The following CIC variants were observed in gnomAD, a reference collection of about 807,000 sequenced individuals.
The protein encoded by CIC is protein capicua homolog.
CIC carries 18 observed loss-of-function variants against 115.7 expected under a neutral mutation model. The ratio of observed to expected loss-of-function variants is 0.16; its 90% confidence interval spans 0.11 to 0.23. CIC has a LOEUF of 0.23. CIC is among the 10% of genes least tolerant of loss of function. CIC has a pLI of 1.00. For synonymous variants in CIC, 1,076 were observed against 923.0 expected (o/e 1.17, Z -3.01); for missense variants, 2,000 against 2,159.3 (o/e 0.93, Z 1.46).
intron 2 of CIC, chr19:42,284,108 A>G (rs969866421): frequency 1.4e-5 from 2 of 147,446 alleles, no homozygotes; most frequent in Admixed American, 6.7e-5. Context: ...CTCGGAGCGC[A>G]CGGACGCACG....
chr19:42,284,244 C>G (rs1013921216), intron 2 of CIC: 2 of 147,184 alleles, frequency 1.4e-5, no homozygotes, highest in African/African-American at 4.9e-5. Flanking sequence ...CCGTTACCCG[C>G]CGGAGCTGCG....
Position 42,277,008 on chromosome 19 carries a change from G to A in CIC, c.2794+2431G>A, listed in dbSNP as rs568539049. On this transcript the variant is annotated intron_variant, in intron 2 of 20. Coordinates refer to ENST00000681038, the MANE Select transcript of CIC (RefSeq NM_001386298.1). ...GCTTTGAGTCATCTCCCAACCTCTAGACTGTGGGACTCTCACTACCAAAAG... is the reference window on the plus strand; with the variant it reads ...GCTTTGAGTCATCTCCCAACCTCTAAACTGTGGGACTCTCACTACCAAAAG... Among the ~76,000 whole-genome samples the A allele has an allele frequency of 9.8e-4, 150 of 152,308 alleles. 2 individuals carry two copies. Among genetic ancestry groups the A allele is most frequent in the African/African-American group, 3.4e-3 (140 of 41,566 alleles).
Position 42,287,181 on chromosome 19 carries a change from C to G in CIC, c.3120C>G (p.Ala1040=). The change falls in exon 4 of 21, where the codon GCC becomes GCG. Residue 1040 remains alanine, a synonymous_variant. Coordinates refer to ENST00000681038, the MANE Select transcript of CIC (RefSeq NM_001386298.1). The surrounding 1 kb of genome is among the most constrained non-coding windows in gnomAD (Gnocchi z 8.7). ...KGPPPTTEEE[A]SGPPGEPRLD... ...CGCCTCCCACCACGGAGGAGGAGGC[C>G]TCCGGCCCCCCAGGAGAGCCCCGGC... The G allele has an allele frequency of 6.2e-7, 1 of 1,613,526 alleles. No individual in the cohort carries two copies. Among genetic ancestry groups the G allele is most frequent in the South Asian group, 1.1e-5 (1 of 91,082 alleles).
At position 42,272,760 on chromosome 19, in the gene CIC, A is replaced by T; in HGVS notation, c.977A>T (p.Glu326Val). The change falls in exon 2 of 21, where the codon GAG becomes GTG. Residue 326 changes from glutamate to valine, a missense_variant. Glu to Val is a moderately radical substitution (Grantham distance 121, BLOSUM62 -2). Coordinates refer to ENST00000681038, the MANE Select transcript of CIC (RefSeq NM_001386298.1). Reference sequence around the variant, plus strand: ...CCACAGCCACTGCACCGTGAGCCAGAGGAGGCTGTGTGGGTGGCCCGCTCC... The same window carrying T: ...CCACAGCCACTGCACCGTGAGCCAGTGGAGGCTGTGTGGGTGGCCCGCTCC... ...QPPQPLHREPEEAVWVARSSL... is the reference protein window; with the variant it reads ...QPPQPLHREPVEAVWVARSSL... 1 of 398,814 alleles carries T rather than the reference A, an allele frequency of 2.5e-6. No individual in the cohort carries two copies. The allele number at this position is 398,814 out of a possible 1,614,324, so 24.7% of individuals were successfully genotyped here.
chr19:42,284,947 T>C (rs1014027719), intron 2 of CIC, among the ~76,000 whole-genome samples: 6 of 151,976 alleles, frequency 3.9e-5, no homozygotes, highest in African/African-American at 1.5e-4. Flanking sequence ...GGTGGGAGTG[T>C]AGCGGAGTGG....
intron 19 of CIC, 85 bp from the exon 20 acceptor site, chr19:42,294,519 G>T: frequency 6.3e-7 from 1 of 1,597,564 alleles, no homozygotes. Flanking sequence ...ATAGAATGCA[G>T]TGAGGGCTTG....
chr19:42,290,588 G>T lies in CIC; in HGVS notation c.4547G>T (p.Gly1516Val), dbSNP rs556729516. The change falls in exon 11 of 21, where the codon GGT becomes GTT. Residue 1516 changes from glycine to valine, a missense_variant. By Grantham distance (109) the Gly-to-Val change is moderately radical. This residue lies in a region of CIC where 1,466 missense variants were observed against 1,390.4 expected (regional missense o/e 1.05). Transcript: ENST00000681038. ...CGGCGCAAGAGACCCGAAAGTGTGG[G>T]TGGCCTGGAGCCACCAGGCCCCTCA... Reference protein sequence around the residue: ...TFRRKRPESVGGLEPPGPSVI... With the variant: ...TFRRKRPESVVGLEPPGPSVI... 1 of 1,613,782 alleles carries T rather than the reference G, an allele frequency of 6.2e-7. No homozygotes were observed. The highest frequency in any genetic ancestry group is 8.5e-7 in the Non-Finnish European group (1 of 1,179,958).
In CIC at chr19:42,280,928, C is replaced by T. The variant is rs1283313677; in HGVS notation, c.2795-5843C>T. Among the ~76,000 whole-genome samples the T allele has an allele frequency of 4.6e-5, 7 of 151,420 alleles. No individual in the cohort carries two copies. The highest frequency in any genetic ancestry group is 7.4e-5 in the Non-Finnish European group (5 of 67,770). Reference sequence around the variant, plus strand: ...ACGTCTCTCAACCCCCCCACCCCCGCATCCCACCCATCTCCCAATCCCTGG... The same window carrying T: ...ACGTCTCTCAACCCCCCCACCCCCGTATCCCACCCATCTCCCAATCCCTGG... On this transcript the variant is annotated intron_variant, in intron 2 of 20. Coordinates refer to ENST00000681038, the MANE Select transcript of CIC (RefSeq NM_001386298.1). This position sits in a 1 kb window ranked among gnomAD's most constrained non-coding sequence, Gnocchi z 4.9.
chr19:42,291,803 C>CT, intron 12 of CIC, 58 bp downstream of exon 12: 9 of 1,598,148 alleles, frequency 5.6e-6, no homozygotes, highest in East Asian at 4.5e-5. Flanking sequence ...CCCATCATTT[C>CT]TTTGTCTTTT....
At chr19:42,291,917 C>T (rs977852769) in intron 12 of CIC, among the ~76,000 whole-genome samples, 169 bp from the exon 13 acceptor site, 1 of 152,190 alleles carries the variant, frequency 6.6e-6, no homozygotes, top group African/African-American at 2.4e-5. Context: ...TGTCTGTACC[C>T]TCCTCCTTCT....
At position 42,293,205 on chromosome 19, in the gene CIC, C is replaced by G. The variant is rs758997230; in HGVS notation, c.6446C>G (p.Thr2149Ser). ...PAPPPLPETW[T>S]PTARSSPPLP... Reference sequence around the variant, plus strand: ...CCTCCACCCCTGCCAGAGACCTGGACTCCCACGGCCCGGAGCAGCCCCCCA... The same window carrying G: ...CCTCCACCCCTGCCAGAGACCTGGAGTCCCACGGCCCGGAGCAGCCCCCCA... The change falls in exon 16 of 21, where the codon ACT becomes AGT. Residue 2149 changes from threonine to serine, a missense_variant. By Grantham distance (58) the Thr-to-Ser change is moderately conservative (BLOSUM62 1). Coordinates refer to ENST00000681038, the MANE Select transcript of CIC (RefSeq NM_001386298.1). 5.0e-6 allele frequency: 8 copies of G among 1,598,158 alleles called. No individual in the cohort carries two copies. Among genetic ancestry groups the G allele is most frequent in the Middle Eastern group, 1.7e-4 (1 of 5,890 alleles).
chr19:42,272,804 C>G lies in CIC; in HGVS notation c.1021C>G (p.Pro341Ala), dbSNP rs1013392127. The change falls in exon 2 of 21, where the codon CCC becomes GCC. Residue 341 changes from proline (P) to alanine (A), a missense_variant. Physicochemically the swap from Pro to Ala is conservative, Grantham distance 27 (BLOSUM62 -1). Around this residue, in one of 8 missense-constraint regions of CIC, gnomAD observed 222 missense variants for 247.7 expected, o/e 0.90. Coordinates refer to ENST00000681038, the MANE Select transcript of CIC (RefSeq NM_001386298.1). ...CCGCTCCAGCCTACGCCTGCTGCGC[C>G]CCCCCTGGGAACCTGAGACCATGCT... The part of the protein sequence containing the change: ...VARSSLRLLR[P>A]PWEPETMLRK... 5 of 398,816 alleles carry G rather than the reference C, an allele frequency of 1.3e-5. No individual in the cohort carries two copies. The highest frequency in any genetic ancestry group is 2.2e-5 in the Non-Finnish European group (5 of 226,348). 24.7% of individuals were successfully genotyped at this position (398,816 alleles called of 1,614,324 possible). A position where few individuals can be genotyped will look rare whatever the true frequency, so the allele number is the denominator to read the frequency against.
At chr19:42,281,381 C>T (rs1459545569) in intron 2 of CIC, among the ~76,000 whole-genome samples, 1 of 152,172 alleles carries the variant, frequency 6.6e-6, no homozygotes, top group African/African-American at 2.4e-5. Flanking sequence ...CAGCCTGTAC[C>T]GCCCGCCCGG....
chr19:42,294,561 T>G lies in CIC; in HGVS notation c.7055-43T>G, dbSNP rs1412845798. The G allele has an allele frequency of 1.9e-6, 3 of 1,610,976 alleles. No homozygotes were observed. In the African/African-American group the frequency reaches 4.0e-5, roughly 22 times the overall value. On this transcript the variant is annotated intron_variant, in intron 19 of 20. Coordinates refer to ENST00000681038, the MANE Select transcript of CIC (RefSeq NM_001386298.1). ...CACTCAGACGGTGGCAGGAAGGCCC[T>G]GCCGCTGCTGCAGCCTTGCCATGCT...
Position 42,288,889 on chromosome 19 carries a change from G to A in CIC, c.3660G>A (p.Val1220=), listed in dbSNP as rs2037860987. Reference sequence around the variant, plus strand: ...ATAGCGCCACTCTCTACTTTACAGTGTCCTCTGAGCTCCTGTCCGTTGCAG... The same window carrying A: ...ATAGCGCCACTCTCTACTTTACAGTATCCTCTGAGCTCCTGTCCGTTGCAG... ...SETGTAAAPG[V]SSELLSVAAQ... The change falls in exon 8 of 21, where the codon GTG becomes GTA. Residue 1220 remains valine (V), a splice_region_variant and synonymous_variant. Coordinates refer to ENST00000681038, the MANE Select transcript of CIC (RefSeq NM_001386298.1). 2 of 1,613,694 alleles carry A rather than the reference G, an allele frequency of 1.2e-6. No homozygotes were observed. The highest frequency in any genetic ancestry group is 1.7e-5 in the Admixed American group (1 of 59,996).
Position 42,292,653 on chromosome 19 carries a change from G to A in CIC, c.5990G>A (p.Gly1997Glu), listed in dbSNP as rs1452309156. 1 of 1,613,806 alleles carries A rather than the reference G, an allele frequency of 6.2e-7. No homozygotes were observed. ...CTGCCGCCTGCCTGTGCAGCCCCCG[G>A]AGGTCCTGTCATAACAGCATTTTAC... is the stretch of plus-strand genomic sequence containing the variant. ...PQLPPACAAP[G>E]GPVITAFYSG... is the part of the protein sequence containing the mutation. Residue 1997 changes from glycine (G) to glutamate (E), a missense_variant, in exon 15 of 21, where the codon GGA becomes GAA. By Grantham distance (98) the Gly-to-Glu change is moderately conservative. Transcript: ENST00000681038.
rs533834909 is a variant in CIC at position 42,292,878 on chromosome 19, C to T, written c.6196+19C>T. Reference sequence around the variant, plus strand: ...GCCACAGGTAGGTGTCAGATCAACCCAGAGCAGAGTGAGTTGGGGGACCCA... The same window carrying T: ...GCCACAGGTAGGTGTCAGATCAACCTAGAGCAGAGTGAGTTGGGGGACCCA... On this transcript the variant is annotated intron_variant, in intron 15 of 20. Coordinates refer to ENST00000681038, the MANE Select transcript of CIC (RefSeq NM_001386298.1). The T allele has an allele frequency of 5.6e-6, 9 of 1,613,848 alleles. No homozygotes were observed. In the East Asian group the frequency reaches 1.8e-4, roughly 32 times the overall value.
rs536017521 is a variant in CIC, at chr19:42,294,728, C to T, written c.7179C>T (p.Phe2393=). ...VMQLFQDHGF[F]PSAQATAAFQ... is the part of the protein sequence containing the mutation. ...AGCTCTTTCAGGACCATGGCTTCTT[C>T]CCGTCAGGTGAGCCTGTCTCGGAGT... The change falls in exon 20 of 21, where the codon TTC becomes TTT. Residue 2393 remains phenylalanine, a synonymous_variant. Transcript: ENST00000681038. The T allele has an allele frequency of 2.5e-6, 4 of 1,613,434 alleles. No individual in the cohort carries two copies. Among genetic ancestry groups the T allele is most frequent in the East Asian group, 2.2e-5 (1 of 44,886 alleles).
Position 42,294,980 on chromosome 19 carries a change from C to T in CIC, c.7343C>T (p.Pro2448Leu), listed in dbSNP as rs587778208. ...GCTGAGGCTCCTCTCCCTGTACCGCCCCCCACTGGCACCGCTGCTGCCCCT... is the reference window on the plus strand; with the variant it reads ...GCTGAGGCTCCTCTCCCTGTACCGCTCCCCACTGGCACCGCTGCTGCCCCT... ...PGAEAPLPVP[P>L]PTGTAAAPAP... The change falls in exon 21 of 21, where the codon CCC becomes CTC. Residue 2448 changes from proline (P) to leucine (L), a missense_variant. Transcript: ENST00000681038. 2.5e-6 allele frequency: 4 copies of T among 1,599,320 alleles called. No homozygotes were observed. The African/African-American group carries it at 4.0e-5, about 16-fold the overall frequency.
Sources: allele counts gnomAD v4.1 joint callset (sites outside exome capture counted in the v4.1 genomes callset), GRCh38; gene constraint gnomAD v4.1.1; regional missense constraint gnomAD v4.1.1; non-coding constraint Gnocchi (gnomAD v3.1); transcripts MANE v1.5; gene names NCBI Gene and HGNC (gene_info 2026-07-23, HGNC 2026-07-21).